The following SLC44A5 variants were observed in gnomAD, a reference collection of about 807,000 sequenced individuals.
SLC44A5 encodes the protein choline transporter-like protein 5.
SLC44A5 carries 57 observed loss-of-function variants against 101.8 expected under a neutral mutation model. That is an observed-to-expected ratio of 0.56 (90% CI 0.45 to 0.70). SLC44A5 has a LOEUF of 0.70. SLC44A5 is among the 30% of genes least tolerant of loss of function. The probability of loss-of-function intolerance (pLI) is 0.00; values close to 1 mark genes in which losing one functional copy is unlikely to be tolerated. For synonymous variants in SLC44A5, 281 were observed against 290.9 expected, an observed-to-expected ratio of 0.97 and a Z score of 0.35; for missense variants, 737 against 853.1, an observed-to-expected ratio of 0.86 and a Z score of 1.70.
intron 2 of SLC44A5, among the ~76,000 whole-genome samples, chr1:75,424,551 C>T (rs544385348): frequency 1.1e-4 from 16 of 152,074 alleles, no homozygotes; most frequent in Non-Finnish European, 1.6e-4. Context: ...GTGATCTGCC[C>T]GCCTCGGCCT....
At chr1:75,719,213 G>C in the SLC44A5 span, among the ~76,000 whole-genome samples, 4,227 of 152,282 alleles carry the variant, frequency 0.028, 98 homozygotes, top group Non-Finnish European at 0.045. Flanking sequence ...CTCAAGAAGA[G>C]AGAAATTTGT....
At chr1:75,512,073 T>C (rs963373958) in intron 2 of SLC44A5, among the ~76,000 whole-genome samples, 1 of 152,136 alleles carries the variant, frequency 6.6e-6, no homozygotes, top group African/African-American at 2.4e-5. Context: ...TTGGCCTCAA[T>C]AAATGAAAAT....
chr1:75,367,496 C>T (rs1002363157), intron 3 of SLC44A5, among the ~76,000 whole-genome samples: 2 of 152,176 alleles, frequency 1.3e-5, no homozygotes, highest in African/African-American at 4.8e-5. Flanking sequence ...TGGGTCATTC[C>T]TGTTGCATTA....
rs138699061 is a variant in SLC44A5, at chr1:75,510,871, T to G, written c.13+30564A>C. ...TAAAGAAAAATGGTAGGCCGGGCGCTGTGGCTCACGCCTGTAATCCCAGCA... is the reference window on the plus strand; with the variant it reads ...TAAAGAAAAATGGTAGGCCGGGCGCGGTGGCTCACGCCTGTAATCCCAGCA... On this transcript the variant is annotated intron_variant, in intron 2 of 23. Coordinates refer to ENST00000370859, the MANE Select transcript of SLC44A5 (RefSeq NM_001130058.2). 5.8e-3 allele frequency among the ~76,000 whole-genome samples: 886 copies of G among 152,264 alleles called. 4 individuals carry two copies. Among genetic ancestry groups the G allele is most frequent in the African/African-American group, 0.02 (849 of 41,550 alleles).
At position 75,290,789 on chromosome 1, in the gene SLC44A5, G is replaced by T. The variant is rs146067541; in HGVS notation, c.175+9823C>A. 6.3e-3 allele frequency among the ~76,000 whole-genome samples: 953 copies of T among 152,288 alleles called. 15 individuals are homozygous for T. The highest frequency in any genetic ancestry group is 0.022 in the African/African-American group (922 of 41,542). On this transcript the variant is annotated intron_variant, in intron 5 of 23. Transcript: ENST00000370859. ...CGCCCAGCCCATATTCTGAACAAGTGACCAGCCTATTAAAGAGTGGGACTT... is the reference window on the plus strand; with the variant it reads ...CGCCCAGCCCATATTCTGAACAAGTTACCAGCCTATTAAAGAGTGGGACTT...
chr1:75,537,033 A>AAAAAAAAAAAAAAAATAT (rs35829590), intron 2 of SLC44A5, among the ~76,000 whole-genome samples: 1 of 43,026 alleles, frequency 2.3e-5, no homozygotes, highest in Admixed American at 3.6e-4. Flanking sequence ...AAAAAAAAAA[A>AAAAAAAAAAAAAAAATAT]ATATATATCT....
intron 5 of SLC44A5, among the ~76,000 whole-genome samples, chr1:75,291,514 T>C (rs940441486): frequency 3.3e-5 from 5 of 152,128 alleles, no homozygotes. Flanking sequence ...GAATCATGAA[T>C]AACATGATTC....
intron 2 of SLC44A5, among the ~76,000 whole-genome samples, chr1:75,497,082 A>G (rs1312310864): frequency 2.6e-5 from 4 of 152,154 alleles, no homozygotes; most frequent in African/African-American, 9.6e-5. Context: ...AAGCTCCTCA[A>G]AAAATTAAAG....
chr1:75,678,020 G>A, the SLC44A5 span, among the ~76,000 whole-genome samples: 1 of 152,198 alleles, frequency 6.6e-6, no homozygotes, highest in African/African-American at 2.4e-5. Flanking sequence ...CAGGAAAATT[G>A]GGTCACTCCC....
At chr1:75,405,907 A>G (rs1216865045) in intron 2 of SLC44A5, among the ~76,000 whole-genome samples, 2 of 151,976 alleles carry the variant, frequency 1.3e-5, no homozygotes, top group Non-Finnish European at 2.9e-5. Context: ...CCCTTTAAAA[A>G]ATCAATGAAT....
the SLC44A5 span, among the ~76,000 whole-genome samples, chr1:75,676,203 C>T: frequency 5.3e-5 from 8 of 152,250 alleles, no homozygotes; most frequent in East Asian, 1.5e-3. Flanking sequence ...TGGCTACATA[C>T]CCAAAGGAAC....
chr1:75,581,765 A>G lies in SLC44A5; in HGVS notation c.-70+29275T>C, dbSNP rs144482879. Among the ~76,000 whole-genome samples the G allele has an allele frequency of 5.7e-3, 867 of 152,204 alleles. 14 individuals carry two copies. The highest frequency in any genetic ancestry group is 0.035 in the Admixed American group (530 of 15,294). ...AGAAATCAGTGAATCCTCACTCTTA[A>G]TTCCCTTGAGAACTGTTTTTAAAAG... On this transcript the variant is annotated intron_variant, in intron 1 of 23. Transcript: ENST00000370859.
chr1:75,304,282 A>T (rs892239493), intron 4 of SLC44A5, among the ~76,000 whole-genome samples: 6 of 121,106 alleles, frequency 5.0e-5, no homozygotes, highest in Non-Finnish European at 8.4e-5. Context: ...TTTTAGAAAA[A>T]TTTTTAAATA....
At chr1:75,677,882 T>G in the SLC44A5 span, 1 of 331,352 alleles carries the variant, frequency 3.0e-6, no homozygotes, top group Non-Finnish European at 5.8e-6. Context: ...TGCCAGACAG[T>G]GGGCGCAGGT....
chr1:75,414,569 G>A (rs1415054261), intron 2 of SLC44A5, among the ~76,000 whole-genome samples: 7 of 152,170 alleles, frequency 4.6e-5, no homozygotes, highest in Non-Finnish European at 1.0e-4. Context: ...TTGAATTAAA[G>A]TTGTGTTTAG....
chr1:75,682,912 A>G, the SLC44A5 span, among the ~76,000 whole-genome samples: 1 of 152,204 alleles, frequency 6.6e-6, no homozygotes, highest in Non-Finnish European at 1.5e-5. Flanking sequence ...TTAACAAGAA[A>G]AAAACAAACA....
At position 75,258,628 on chromosome 1, in the gene SLC44A5, C is replaced by A. The variant is rs577387389; in HGVS notation, c.261-7334G>T. On this transcript the variant is annotated intron_variant, in intron 6 of 23. Transcript: ENST00000370859. ...CAGCAGACTTAAAAGTCCCTGCTGG[C>A]AGCTCTGAAGAGAGCAGCAGATCTC... is the stretch of plus-strand genomic sequence containing the variant. Among the ~76,000 whole-genome samples, 130 of 152,256 alleles carry A rather than the reference C, an allele frequency of 8.5e-4. 1 individual carries two copies. Among genetic ancestry groups the A allele is most frequent in the Non-Finnish European group, 1.5e-4 (10 of 68,022 alleles).
intron 12 of SLC44A5, among the ~76,000 whole-genome samples, chr1:75,231,214 C>T: frequency 6.6e-6 from 1 of 152,122 alleles, no homozygotes; most frequent in East Asian, 1.9e-4. Context: ...GTTCTGCTGC[C>T]AACTCAGGTC....
At chr1:75,514,550 T>G (rs937256807) in intron 2 of SLC44A5, among the ~76,000 whole-genome samples, 7 of 152,250 alleles carry the variant, frequency 4.6e-5, no homozygotes, top group Non-Finnish European at 2.9e-5. Flanking sequence ...AGAATCTCTC[T>G]TTCACCAAAA....
Sources: gnomAD v4.1 joint callset for allele counts (sites outside exome capture counted in the v4.1 genomes callset) on GRCh38, gnomAD v4.1.1 for gene constraint, MANE v1.5 for transcripts, NCBI Gene and HGNC (gene_info 2026-07-23, HGNC 2026-07-21) for gene names.